Variants in CNTNAP5 observed in about 807,000 individuals in gnomAD.
The protein encoded by CNTNAP5 is contactin associated protein family member 5.
A neutral mutation model predicts 150.2 loss-of-function variants in CNTNAP5; 72 were observed. The observed-to-expected ratio is 0.48, with a 90% CI of 0.40 to 0.58. The LOEUF is 0.58. Among genes scored for constraint, CNTNAP5 ranks in the 20% least tolerant of loss-of-function variants. The pLI, the probability that CNTNAP5 is intolerant of heterozygous loss-of-function variation, is 0.00. For synonymous variants in CNTNAP5, 672 were observed against 619.8 expected (o/e 1.08, Z -1.25); for missense variants, 1,636 against 1,626.2 (o/e 1.01, Z -0.10).
chr2:124,440,297 C>T (rs1047091137), intron 5 of CNTNAP5, among the ~76,000 whole-genome samples: 1 of 152,132 alleles, frequency 6.6e-6, no homozygotes, highest in Non-Finnish European at 1.5e-5. Flanking sequence ...ATTCACGTGA[C>T]TAGCCACCTA....
chr2:124,721,518 T>TAAATA (rs1359102828), intron 13 of CNTNAP5, among the ~76,000 whole-genome samples: 65 of 149,656 alleles, frequency 4.3e-4, no homozygotes, highest in African/African-American at 1.5e-3. Context: ...AATACATAAA[T>TAAATA]AAATATTAAA....
intron 1 of CNTNAP5, among the ~76,000 whole-genome samples, chr2:124,062,046 G>A (rs1182035926): frequency 1.8e-5 from 2 of 113,118 alleles, no homozygotes; most frequent in African/African-American, 7.0e-5. Flanking sequence ...CACAGCCTCC[G>A]AGAGGTCTTG....
intron 1 of CNTNAP5, among the ~76,000 whole-genome samples, chr2:124,204,158 A>G (rs892522063): frequency 2.6e-5 from 4 of 152,190 alleles, no homozygotes; most frequent in Non-Finnish European, 4.4e-5. Flanking sequence ...TTATCCCACC[A>G]GATGCCCTAA....
intron 3 of CNTNAP5, among the ~76,000 whole-genome samples, chr2:124,361,861 T>A (rs1184730193): frequency 1.3e-5 from 2 of 152,150 alleles, no homozygotes; most frequent in Non-Finnish European, 2.9e-5. Flanking sequence ...CCAGCTGCTT[T>A]GTTTACCTAA....
chr2:124,352,732 C>T (rs2104703772), intron 3 of CNTNAP5, among the ~76,000 whole-genome samples: 1 of 152,202 alleles, frequency 6.6e-6, no homozygotes, highest in South Asian at 2.1e-4. Context: ...GTTTAGCTTC[C>T]AGGGCCTGAA....
intron 1 of CNTNAP5, among the ~76,000 whole-genome samples, chr2:124,112,793 C>T (rs1260058946): frequency 1.3e-5 from 2 of 152,104 alleles, no homozygotes; most frequent in African/African-American, 4.8e-5. Context: ...TCCTTAAACA[C>T]TCCGTATTTT....
chr2:124,415,009 C>G (rs1216947846), intron 3 of CNTNAP5, among the ~76,000 whole-genome samples: 1 of 152,134 alleles, frequency 6.6e-6, no homozygotes, highest in Non-Finnish European at 1.5e-5. Context: ...CCCTTCCTTC[C>G]CTCATACATA....
chr2:124,902,512 T>C (rs775998503), intron 21 of CNTNAP5, among the ~76,000 whole-genome samples: 15 of 152,160 alleles, frequency 9.9e-5, no homozygotes, highest in Admixed American at 2.0e-4. Flanking sequence ...ATCACCAGTA[T>C]CCAAAGATAA....
intron 11 of CNTNAP5, among the ~76,000 whole-genome samples, chr2:124,570,437 G>C (rs35151213): frequency 0.026 from 4,029 of 152,194 alleles, 97 homozygotes; most frequent in East Asian, 0.092. Flanking sequence ...AGCTAGAATT[G>C]AAGATGAAAT....
At chr2:124,439,510 C>T (rs1361148629) in intron 5 of CNTNAP5, among the ~76,000 whole-genome samples, 1 of 152,136 alleles carries the variant, frequency 6.6e-6, no homozygotes, top group Non-Finnish European at 1.5e-5. Flanking sequence ...AAGACGGACA[C>T]AAGTTAGACA....
chr2:124,619,731 C>T (rs1677568487), intron 12 of CNTNAP5, among the ~76,000 whole-genome samples: 1 of 151,346 alleles, frequency 6.6e-6, no homozygotes, highest in Non-Finnish European at 1.5e-5. Context: ...TCTGGAACTG[C>T]AGCTACTTCC....
chr2:124,368,008 A>T (rs1440248336), intron 3 of CNTNAP5, among the ~76,000 whole-genome samples: 1 of 152,168 alleles, frequency 6.6e-6, no homozygotes, highest in African/African-American at 2.4e-5. Flanking sequence ...CATGCCTTTC[A>T]AATGTGTCTA....
chr2:124,544,564 G>A (rs1223054307), intron 10 of CNTNAP5, among the ~76,000 whole-genome samples: 1 of 152,134 alleles, frequency 6.6e-6, no homozygotes, highest in Admixed American at 6.6e-5. Flanking sequence ...GACCAGCACT[G>A]TGCAATGGAA....
chr2:124,089,995 G>T (rs1457954412), intron 1 of CNTNAP5, among the ~76,000 whole-genome samples: 1 of 152,224 alleles, frequency 6.6e-6, no homozygotes, highest in Non-Finnish European at 1.5e-5. Flanking sequence ...TTCCCCCACG[G>T]AGTGGGAAAG....
intron 3 of CNTNAP5, among the ~76,000 whole-genome samples, chr2:124,279,766 C>T (rs1040573145): frequency 2.5e-4 from 38 of 152,046 alleles, no homozygotes; most frequent in African/African-American, 8.7e-4. Context: ...GAGTCACAAC[C>T]ATTGCATTTG....
At chr2:124,881,599 G>C (rs1677965741) in intron 21 of CNTNAP5, among the ~76,000 whole-genome samples, 1 of 152,108 alleles carries the variant, frequency 6.6e-6, no homozygotes, top group Admixed American at 6.6e-5. Context: ...ATCAAGAACA[G>C]GGGGAAGAGA....
At chr2:124,321,372 G>A (rs1330956444) in intron 3 of CNTNAP5, among the ~76,000 whole-genome samples, 1 of 151,594 alleles carries the variant, frequency 6.6e-6, no homozygotes, top group Non-Finnish European at 1.5e-5. Context: ...GAACCTGGGA[G>A]GCAGAGGTTG....
At chr2:124,765,004 A>G (rs1380042068) in intron 16 of CNTNAP5, among the ~76,000 whole-genome samples, 1 of 152,084 alleles carries the variant, frequency 6.6e-6, no homozygotes, top group Non-Finnish European at 1.5e-5. Context: ...TTCAAAAGAG[A>G]GTGTGCTCAT....
intron 5 of CNTNAP5, among the ~76,000 whole-genome samples, chr2:124,445,361 G>A (rs1376035802): frequency 6.6e-6 from 1 of 152,112 alleles, no homozygotes; most frequent in Non-Finnish European, 1.5e-5. Flanking sequence ...GCCTCCCAAA[G>A]TGGTGGGATT....
Sources: gnomAD v4.1 joint callset for allele counts (sites outside exome capture counted in the v4.1 genomes callset) on GRCh38, gnomAD v4.1.1 for gene constraint, MANE v1.5 for transcripts, NCBI Gene and HGNC (gene_info 2026-07-23, HGNC 2026-07-21) for gene names.